The following AGAP1 variants were observed in gnomAD, a reference collection of about 807,000 sequenced individuals.
AGAP1 encodes the protein arf-GAP with GTPase, ANK repeat and PH domain-containing protein 1.
AGAP1 carries 29 observed loss-of-function variants against 105.3 expected under a neutral mutation model. The observed-to-expected ratio is 0.28, with a 90% CI of 0.21 to 0.38. The LOEUF (loss-of-function observed/expected upper bound fraction) is 0.38, where lower values mean the gene tolerates loss of function less well. Among genes scored for constraint, AGAP1 ranks in the 10% least tolerant of loss-of-function variants. The pLI, the probability that AGAP1 is intolerant of heterozygous loss-of-function variation, is 1.00. For synonymous variants in AGAP1, 509 were observed against 485.9 expected, an observed-to-expected ratio of 1.05 and a Z score of -0.63; for missense variants, 998 against 1,165.1, an observed-to-expected ratio of 0.86 and a Z score of 2.09.
At chr2:235,812,742 G>A (rs73998942) in intron 9 of AGAP1, among the ~76,000 whole-genome samples, 2,057 of 152,340 alleles carry the variant, frequency 0.014, 23 homozygotes, top group Middle Eastern at 0.041. Flanking sequence ...CAGGCCTGCG[G>A]CCTCTCTGCG....
chr2:235,893,325 G>T lies in AGAP1; in HGVS notation c.1155+9876G>T, dbSNP rs1468017534. Among the ~76,000 whole-genome samples the T allele has an allele frequency of 6.7e-6, 1 of 149,610 alleles. No individual in the cohort carries two copies. The highest frequency in any genetic ancestry group is 1.5e-5 in the Non-Finnish European group (1 of 67,350). ...GTGGCGCAGGTGTGCCGTGTCTGTG[G>T]CATGGGTGTGGCTTGTCTGTGGTGT... On this transcript the variant is annotated intron_variant, in intron 10 of 17. Transcript: ENST00000304032. This position sits in a 1 kb window ranked among gnomAD's most constrained non-coding sequence, Gnocchi z 4.7.
chr2:235,594,237 C>T (rs1945443653), intron 1 of AGAP1, among the ~76,000 whole-genome samples: 1 of 151,830 alleles, frequency 6.6e-6, no homozygotes, highest in African/African-American at 2.4e-5. Context: ...GATGCTGCCC[C>T]CTTCTGGTGA....
intron 16 of AGAP1, among the ~76,000 whole-genome samples, chr2:236,102,161 T>C (rs1348195599): frequency 1.3e-5 from 2 of 152,156 alleles, no homozygotes; most frequent in Admixed American, 6.5e-5. Context: ...CTCACGCCTG[T>C]AATCCCAGCA....
chr2:235,959,905 G>C lies in AGAP1; in HGVS notation c.1484-8557G>C, dbSNP rs938043085. On this transcript the variant is annotated intron_variant, in intron 12 of 17. Coordinates refer to ENST00000304032, the MANE Select transcript of AGAP1 (RefSeq NM_001037131.3). This position sits in a 1 kb window ranked among gnomAD's most constrained non-coding sequence, Gnocchi z 7.3. The stretch of plus-strand genomic sequence containing the variant: ...AAGGGCTTGAGTGCCTCCCTTTTGG[G>C]CCACCGTAGACACCCCACCTCTGAG... 6.6e-6 allele frequency among the ~76,000 whole-genome samples: 1 copy of C among 152,158 alleles called. No homozygotes were observed. The highest frequency in any genetic ancestry group is 1.5e-5 in the Non-Finnish European group (1 of 68,034).
chr2:236,068,223 A>G (rs1221000097), intron 16 of AGAP1, among the ~76,000 whole-genome samples: 1 of 152,118 alleles, frequency 6.6e-6, no homozygotes, highest in African/African-American at 2.4e-5. Flanking sequence ...GTGAGCCAAG[A>G]TCACGCCACT....
chr2:235,945,620 G>A (rs1242182738), intron 12 of AGAP1, among the ~76,000 whole-genome samples: 1 of 152,120 alleles, frequency 6.6e-6, no homozygotes, highest in Non-Finnish European at 1.5e-5. Flanking sequence ...CATTTAAAAT[G>A]CAGTTAAGCT....
At chr2:235,634,596 G>A (rs760003784) in intron 1 of AGAP1, among the ~76,000 whole-genome samples, 20 of 152,166 alleles carry the variant, frequency 1.3e-4, no homozygotes, top group Non-Finnish European at 1.8e-4. Context: ...AAGACACTGC[G>A]AATCATCAGA....
At chr2:235,859,033 G>C (rs778195491) in intron 9 of AGAP1, among the ~76,000 whole-genome samples, 87 of 152,182 alleles carry the variant, frequency 5.7e-4, no homozygotes, top group Non-Finnish European at 1.1e-3. Flanking sequence ...AGCCAATTTA[G>C]CACAGCATGA....
Position 236,114,572 on chromosome 2 carries a change from T to C in AGAP1, c.2115-5620T>C, listed in dbSNP as rs1217337680. On this transcript the variant is annotated intron_variant, in intron 16 of 17. Coordinates refer to ENST00000304032, the MANE Select transcript of AGAP1 (RefSeq NM_001037131.3). The surrounding 1 kb of genome is among the most constrained non-coding windows in gnomAD (Gnocchi z 5.0). ...GTCAGGGTGCCCGCAGGGTTGGTTC[T>C]GGTGAGACCTCTCTCCCTGGCTGAC... Among the ~76,000 whole-genome samples, 3 of 152,178 alleles carry C rather than the reference T, an allele frequency of 2.0e-5. No homozygotes were observed. The highest frequency in any genetic ancestry group is 4.4e-5 in the Non-Finnish European group (3 of 68,026).
rs945914541 is a variant in AGAP1 at position 236,062,476 on chromosome 2, T to A, written c.2114+13195T>A. ...GTTGTTGTTGTTACTTTTCATTTAT[T>A]TTCATGTATTTTTTTTAGAAACAGA... On this transcript the variant is annotated intron_variant, in intron 16 of 17. Coordinates refer to ENST00000304032, the MANE Select transcript of AGAP1 (RefSeq NM_001037131.3). This position sits in a 1 kb window ranked among gnomAD's most constrained non-coding sequence, Gnocchi z 4.2. Among the ~76,000 whole-genome samples, 1 of 104,352 alleles carries A rather than the reference T, an allele frequency of 9.6e-6. No homozygotes were observed. Among genetic ancestry groups the A allele is most frequent in the African/African-American group, 3.3e-5 (1 of 30,506 alleles). 68.5% of individuals were successfully genotyped at this position (104,352 alleles called of 152,430 possible). A position where few individuals can be genotyped will look rare whatever the true frequency, so the allele number is the denominator to read the frequency against.
intron 6 of AGAP1, among the ~76,000 whole-genome samples, chr2:235,771,176 C>T (rs1468780821): frequency 1.3e-5 from 2 of 152,188 alleles, no homozygotes; most frequent in Non-Finnish European, 2.9e-5. Flanking sequence ...TGGACTTTGG[C>T]GTCCAGAACT....
intron 1 of AGAP1, among the ~76,000 whole-genome samples, chr2:235,707,467 C>A: frequency 1.3e-5 from 1 of 77,168 alleles, no homozygotes; most frequent in African/African-American, 3.7e-5. Flanking sequence ...GTTGCCCTCC[C>A]CATGACCCCC....
intron 1 of AGAP1, among the ~76,000 whole-genome samples, chr2:235,638,998 G>A (rs958875826): frequency 6.6e-6 from 1 of 152,188 alleles, no homozygotes; most frequent in Non-Finnish European, 1.5e-5. Flanking sequence ...CTGGGGGGCA[G>A]AATCACCTGC....
At position 235,798,745 on chromosome 2, in the gene AGAP1, G is replaced by A. The variant is rs573644275; in HGVS notation, c.802-622G>A. ...CAAAAAAGAGAAAAATTAGCTGGGC[G>A]TGGTGGCTTGTGCCTTGGGAGGCTG... is the stretch of plus-strand genomic sequence containing the variant. On this transcript the variant is annotated intron_variant, in intron 7 of 17. Transcript: ENST00000304032. Among the ~76,000 whole-genome samples the A allele has an allele frequency of 6.6e-5, 10 of 152,058 alleles. No individual in the cohort carries two copies. The South Asian group carries it at 8.3e-4, about 13-fold the overall frequency.
intron 2 of AGAP1, among the ~76,000 whole-genome samples, chr2:235,709,932 A>G (rs567622698): frequency 6.6e-6 from 1 of 152,236 alleles, no homozygotes; most frequent in Admixed American, 6.5e-5. Context: ...ATGGTTATGT[A>G]TCTGTGTATG....
intron 1 of AGAP1, among the ~76,000 whole-genome samples, chr2:235,679,914 A>C (rs553334621): frequency 1.3e-5 from 2 of 152,332 alleles, no homozygotes; most frequent in South Asian, 4.1e-4. Flanking sequence ...CGTATTTTCA[A>C]ATATTTAGGT....
At chr2:235,938,712 C>T (rs955607453) in intron 12 of AGAP1, among the ~76,000 whole-genome samples, 26 of 152,086 alleles carry the variant, frequency 1.7e-4, no homozygotes, top group Non-Finnish European at 2.5e-4. Context: ...CTCCGAGGAT[C>T]CTTTCGGGGG....
intron 1 of AGAP1, among the ~76,000 whole-genome samples, chr2:235,502,290 C>G (rs970150499): frequency 2.6e-5 from 4 of 152,106 alleles, no homozygotes; most frequent in African/African-American, 9.7e-5. Context: ...CAGAAGAGAT[C>G]GTTAATGGAT....
Position 236,049,116 on chromosome 2 carries a change from T to A in AGAP1, c.1949T>A (p.Ile650Asn). ...GALMCIECSGIHRNLGTHLSR... is the reference protein window; with the variant it reads ...GALMCIECSGNHRNLGTHLSR... ...CTCATGTGCATCGAATGCTCAGGGA[T>A]CCACCGGAATCTTGGCACCCACCTT... The change falls in exon 16 of 18, where the codon ATC becomes AAC. Residue 650 changes from isoleucine (I) to asparagine (N), a missense_variant. By Grantham distance (149) the Ile-to-Asn change is moderately radical (BLOSUM62 -3). Transcript: ENST00000304032. 1 of 1,614,206 alleles carries A rather than the reference T, an allele frequency of 6.2e-7. No homozygotes were observed. Among genetic ancestry groups the A allele is most frequent in the South Asian group, 1.1e-5 (1 of 91,078 alleles).
Sources: gnomAD v4.1 joint callset for allele counts (sites outside exome capture counted in the v4.1 genomes callset) on GRCh38, gnomAD v4.1.1 for gene constraint, Gnocchi (gnomAD v3.1) non-coding constraint, MANE v1.5 for transcripts, NCBI Gene and HGNC (gene_info 2026-07-23, HGNC 2026-07-21) for gene names.